Variants in NRP1 observed in about 807,000 individuals in gnomAD.
NRP1 encodes neuropilin 1.
Under a neutral mutation model 106.7 loss-of-function variants are expected in NRP1, and 35 were observed. That is an observed-to-expected ratio of 0.33 (90% confidence interval 0.25 to 0.43). NRP1 has a LOEUF of 0.43. Among genes scored for constraint, NRP1 ranks in the 20% least tolerant of loss-of-function variants. The pLI, the probability that NRP1 is intolerant of heterozygous loss-of-function variation, is 1.00. For synonymous variants in NRP1, 437 were observed against 417.9 expected, an observed-to-expected ratio of 1.05 and a Z score of -0.56; for missense variants, 1,024 against 1,170.4, an observed-to-expected ratio of 0.87 and a Z score of 1.83.
intron 2 of NRP1, among the ~76,000 whole-genome samples, chr10:33,272,125 C>G (rs186205963): frequency 2.0e-5 from 3 of 152,096 alleles, no homozygotes; most frequent in Non-Finnish European, 4.4e-5. Flanking sequence ...TCAAACTGCC[C>G]GGGACGCATG....
At chr10:33,203,726 T>TGAAGTCC (rs1837530728) in intron 10 of NRP1, among the ~76,000 whole-genome samples, 6 of 53,530 alleles carry the variant, frequency 1.1e-4, no homozygotes, top group East Asian at 8.0e-4. Context: ...AGACTGCTTT[T>TGAAGTCC]TTTTTTTTTT....
chr10:33,317,648 GT>G (rs761339576), intron 2 of NRP1, among the ~76,000 whole-genome samples: 2 of 152,148 alleles, frequency 1.3e-5, no homozygotes, highest in Non-Finnish European at 2.9e-5. Flanking sequence ...TTGGCTTATG[GT>G]CTGAATGCAC....
intron 7 of NRP1, among the ~76,000 whole-genome samples, chr10:33,222,535 A>ATTTT (rs3035281): frequency 0.021 from 2,529 of 120,234 alleles, 79 homozygotes; most frequent in African/African-American, 0.068. Flanking sequence ...TTATTTATTT[A>ATTTT]TTTAAGATGG....
In NRP1 at chr10:33,193,263, C is replaced by A. The variant is rs187564515; in HGVS notation, c.1925-845G>T. The stretch of plus-strand genomic sequence containing the variant: ...TGTTGGACTATGGTGTTTTTAAAAC[C>A]CACAGCCTGACATTTTACACAGCCT... On this transcript the variant is annotated intron_variant, in intron 12 of 16. Transcript: ENST00000374867. 4.1e-3 allele frequency among the ~76,000 whole-genome samples: 617 copies of A among 152,190 alleles called. 2 individuals are homozygous for A. Among genetic ancestry groups the A allele is most frequent in the African/African-American group, 0.012 (513 of 41,502 alleles).
At position 33,185,724 on chromosome 10, in the gene NRP1, C is replaced by A. The variant is rs775108406; in HGVS notation, c.2335G>T (p.Val779Leu). Residue 779 changes from valine (V) to leucine (L), a missense_variant and splice_region_variant, in exon 15 of 17, where the codon GTG becomes TTG. Val to Leu is a conservative substitution (Grantham distance 32, BLOSUM62 1). Coordinates refer to ENST00000374867, the MANE Select transcript of NRP1 (RefSeq NM_003873.7). ...TTTCCGATTTCGCCCTCGAAAATCA[C>A]CTAACAAAATAAGATCATTTTCACA... Reference protein sequence around the residue: ...LLHKSLKLYQVIFEGEIGKGN... With the variant: ...LLHKSLKLYQLIFEGEIGKGN... 2 of 1,612,716 alleles carry A rather than the reference C, an allele frequency of 1.2e-6. No individual in the cohort carries two copies. Among genetic ancestry groups the A allele is most frequent in the Non-Finnish European group, 1.7e-6 (2 of 1,178,734 alleles).
intron 7 of NRP1, among the ~76,000 whole-genome samples, chr10:33,222,231 A>G (rs1839302867): frequency 6.6e-6 from 1 of 152,212 alleles, no homozygotes; most frequent in African/African-American, 2.4e-5. Flanking sequence ...TGACTTTCCC[A>G]AGAATCCCCA....
chr10:33,231,533 A>T (rs1840127556), intron 6 of NRP1, among the ~76,000 whole-genome samples: 1 of 152,050 alleles, frequency 6.6e-6, no homozygotes, highest in African/African-American at 2.4e-5. Context: ...TAGTGCCACT[A>T]TTTTTTCTAC....
intron 2 of NRP1, among the ~76,000 whole-genome samples, chr10:33,291,931 C>A (rs1845024454): frequency 6.6e-6 from 1 of 152,102 alleles, no homozygotes. Flanking sequence ...TGAGGCAGGG[C>A]CTCAATCTGT....
chr10:33,330,688 T>C lies in NRP1; in HGVS notation c.248+20A>G. 6.2e-7 allele frequency: 1 copy of C among 1,603,962 alleles called. No individual in the cohort carries two copies. Among genetic ancestry groups the C allele is most frequent in the Admixed American group, 1.7e-5 (1 of 59,582 alleles). On this transcript the variant is annotated intron_variant, in intron 2 of 16. Coordinates refer to ENST00000374867, the MANE Select transcript of NRP1 (RefSeq NM_003873.7). Reference sequence around the variant, plus strand: ...ACTAGATGGTGCTGTGGTGCCCTGTTCAAAAACATTCCCACTTACTTGCAG... The same window carrying C: ...ACTAGATGGTGCTGTGGTGCCCTGTCCAAAAACATTCCCACTTACTTGCAG...
chr10:33,201,089 T>C (rs967401855), intron 11 of NRP1: 1 of 152,220 alleles, frequency 6.6e-6, no homozygotes, highest in African/African-American at 2.4e-5. Context: ...AAAGAAATAA[T>C]TGAAACACTG....
intron 13 of NRP1, among the ~76,000 whole-genome samples, chr10:33,191,649 A>T (rs951915030): frequency 6.6e-6 from 1 of 152,182 alleles, no homozygotes; most frequent in Non-Finnish European, 1.5e-5. Flanking sequence ...ATTTGTGAAT[A>T]TGTTTGAAAT....
chr10:33,324,575 G>A (rs1299774455), intron 2 of NRP1, among the ~76,000 whole-genome samples: 1 of 152,106 alleles, frequency 6.6e-6, no homozygotes, highest in Non-Finnish European at 1.5e-5. Flanking sequence ...ATTAGAAATA[G>A]TACCTATTTT....
intron 2 of NRP1, among the ~76,000 whole-genome samples, chr10:33,308,716 T>A (rs1846350603): frequency 6.6e-6 from 1 of 152,134 alleles, no homozygotes; most frequent in African/African-American, 2.4e-5. Flanking sequence ...CTTGAACTCC[T>A]GACCTCAAAT....
intron 2 of NRP1, among the ~76,000 whole-genome samples, chr10:33,319,048 A>G (rs1224675694): frequency 7.9e-6 from 1 of 127,052 alleles, no homozygotes; most frequent in Non-Finnish European, 1.6e-5. Context: ...TCTGTCGCCC[A>G]GGCTGGAGTG....
intron 12 of NRP1, among the ~76,000 whole-genome samples, chr10:33,193,716 C>T (rs1427695779): frequency 6.6e-6 from 1 of 152,198 alleles, no homozygotes; most frequent in Admixed American, 6.5e-5. Context: ...CAAAGTATCT[C>T]GCCTTCTGCT....
chr10:33,247,162 A>C (rs1290273119), intron 6 of NRP1, among the ~76,000 whole-genome samples: 1 of 152,238 alleles, frequency 6.6e-6, no homozygotes, highest in Non-Finnish European at 1.5e-5. Flanking sequence ...TAAAGATAAA[A>C]CAAGGGTTTC....
At chr10:33,328,023 C>T (rs961915836) in intron 2 of NRP1, among the ~76,000 whole-genome samples, 2 of 151,946 alleles carry the variant, frequency 1.3e-5, no homozygotes, top group Admixed American at 6.6e-5. Context: ...AGAGCAAAGC[C>T]TCAGTTGGGA....
chr10:33,212,911 T>C, intron 9 of NRP1: 1 of 308,886 alleles, frequency 3.2e-6, no homozygotes, highest in Non-Finnish European at 6.0e-6. Flanking sequence ...GCTCAGACAA[T>C]CCGCCCGACT....
Position 33,291,936 on chromosome 10 carries a change from A to G in NRP1, c.249-21080T>C, listed in dbSNP as rs1255457781. Among the ~76,000 whole-genome samples, 4 of 152,296 alleles carry G rather than the reference A, an allele frequency of 2.6e-5. No individual in the cohort carries two copies. In the East Asian group the frequency reaches 5.8e-4, roughly 22 times the overall value. ...TTTTGTTTTTTGAGGCAGGGCCTCA[A>G]TCTGTCACCCAGGCTGGAGTGCAGT... On this transcript the variant is annotated intron_variant, in intron 2 of 16. Transcript: ENST00000374867.
Sources: allele counts gnomAD v4.1 joint callset (sites outside exome capture counted in the v4.1 genomes callset), GRCh38; gene constraint gnomAD v4.1.1; transcripts MANE v1.5; gene names NCBI Gene and HGNC (gene_info 2026-07-23, HGNC 2026-07-21).